Variants in DLG2 observed in about 807,000 individuals in gnomAD.
DLG2 encodes the protein discs large MAGUK scaffold protein 2.
DLG2 carries 45 observed loss-of-function variants against 132.5 expected under a neutral mutation model. The observed-to-expected ratio is 0.34, with a 90% CI of 0.27 to 0.44. The LOEUF (loss-of-function observed/expected upper bound fraction) is 0.44. Among genes scored for constraint, DLG2 ranks in the 20% least tolerant of loss-of-function variants. The pLI is 1.00. For missense variants in DLG2, 1,045 were observed against 1,196.9 expected (o/e 0.87, Z 1.87); for synonymous variants, 424 against 419.6 (o/e 1.01, Z -0.13).
rs929577801 is a variant in DLG2 at position 84,040,407 on chromosome 11, AG to A, written c.919+18907del. 1.5e-3 allele frequency among the ~76,000 whole-genome samples: 223 copies of A among 151,634 alleles called. 1 individual carries two copies. Among genetic ancestry groups the A allele is most frequent in the Admixed American group, 0.012 (185 of 15,216 alleles). On this transcript the variant is annotated intron_variant, in intron 11 of 27. Transcript: ENST00000376104. ...TGAATTGATTTTTGTATAATGTGTAAGGAAGGGATCCAGTTTCAGCTTTCTA... is the reference window on the plus strand; with the variant it reads ...TGAATTGATTTTTGTATAATGTGTAAGAAGGGATCCAGTTTCAGCTTTCTA...
At chr11:85,595,066 A>G (rs1399825411) in intron 3 of DLG2, among the ~76,000 whole-genome samples, 4 of 127,960 alleles carry the variant, frequency 3.1e-5, no homozygotes, top group African/African-American at 1.5e-4. Flanking sequence ...CTCTGTCTCA[A>G]AAAAAAAAAA....
At chr11:85,078,830 G>A (rs956738030) in intron 6 of DLG2, among the ~76,000 whole-genome samples, 8 of 152,076 alleles carry the variant, frequency 5.3e-5, no homozygotes, top group Non-Finnish European at 8.8e-5. Flanking sequence ...AGAGTGATTT[G>A]TCATAGTAGT....
intron 5 of DLG2, among the ~76,000 whole-genome samples, chr11:85,139,589 A>G (rs2076332101): frequency 6.6e-6 from 1 of 152,116 alleles, no homozygotes; most frequent in Admixed American, 6.6e-5. Flanking sequence ...AAGCAAATTA[A>G]CATATTTATC....
intron 6 of DLG2, among the ~76,000 whole-genome samples, chr11:85,050,755 T>G (rs2062811739): frequency 6.6e-6 from 1 of 152,164 alleles, no homozygotes; most frequent in African/African-American, 2.4e-5. Context: ...TCAAACTTGA[T>G]TACCACTCAA....
intron 3 of DLG2, among the ~76,000 whole-genome samples, chr11:85,594,310 G>A (rs576386763): frequency 1.4e-4 from 22 of 152,266 alleles, no homozygotes; most frequent in Middle Eastern, 3.4e-3. Context: ...TAAGATTTAT[G>A]GAAATGAAAT....
chr11:83,542,516 CG>C (rs1228184907), intron 19 of DLG2, among the ~76,000 whole-genome samples: 3 of 152,164 alleles, frequency 2.0e-5, no homozygotes, highest in Non-Finnish European at 2.9e-5. Flanking sequence ...ATAAACAACA[CG>C]ACAAATATTT....
chr11:85,335,793 CAG>C (rs1326305791), intron 3 of DLG2, among the ~76,000 whole-genome samples: 1 of 150,934 alleles, frequency 6.6e-6, no homozygotes, highest in African/African-American at 2.4e-5. Flanking sequence ...CAGGACCTAT[CAG>C]GGGGTGGGGG....
At chr11:85,028,048 A>G (rs552811161) in intron 6 of DLG2, among the ~76,000 whole-genome samples, 2 of 152,328 alleles carry the variant, frequency 1.3e-5, no homozygotes, top group South Asian at 2.1e-4. Flanking sequence ...AGCTTCATCA[A>G]GAGGCAGAAG....
intron 18 of DLG2, among the ~76,000 whole-genome samples, chr11:83,771,844 A>C (rs2094405494): frequency 6.6e-6 from 1 of 152,206 alleles, no homozygotes; most frequent in Admixed American, 6.5e-5. Context: ...CTATTGCATA[A>C]TGAAAACGGA....
chr11:83,844,570 A>G (rs1170777048), intron 16 of DLG2, among the ~76,000 whole-genome samples: 4 of 144,414 alleles, frequency 2.8e-5, no homozygotes, highest in Non-Finnish European at 4.5e-5. Context: ...AAAAAAAAAA[A>G]GGGCCTGGGG....
At chr11:83,527,828 T>G (rs1167429053) in intron 21 of DLG2, among the ~76,000 whole-genome samples, 1 of 152,168 alleles carries the variant, frequency 6.6e-6, no homozygotes, top group Non-Finnish European at 1.5e-5. Flanking sequence ...AAAAGAAGTT[T>G]GGCATAAATC....
intron 4 of DLG2, among the ~76,000 whole-genome samples, chr11:85,240,800 G>A (rs1465438824): frequency 6.6e-6 from 1 of 151,676 alleles, no homozygotes; most frequent in Non-Finnish European, 1.5e-5. Flanking sequence ...ACTATAATGT[G>A]TCTTATTACG....
intron 17 of DLG2, among the ~76,000 whole-genome samples, chr11:83,829,920 C>T (rs751112171): frequency 6.6e-5 from 10 of 151,994 alleles, no homozygotes; most frequent in East Asian, 3.9e-4. Context: ...CGACAGGCCC[C>T]GGTGTGTGAT....
In DLG2 at chr11:83,786,801, G is replaced by A; in HGVS notation, c.1723-9C>T. The A allele has an allele frequency of 6.2e-7, 1 of 1,612,620 alleles. No homozygotes were observed. Among genetic ancestry groups the A allele is most frequent in the Non-Finnish European group, 8.5e-7 (1 of 1,178,780 alleles). On this transcript the variant is annotated splice_polypyrimidine_tract_variant and intron_variant, in intron 17 of 27. Coordinates refer to ENST00000376104, the MANE Select transcript of DLG2 (RefSeq NM_001142699.3). ...AGGTCAATGCCATTCACCTGAAAGA[G>A]AGGAAGCCAGAGAATCTTGGTATTT...
intron 6 of DLG2, among the ~76,000 whole-genome samples, chr11:85,001,229 G>A (rs1339287038): frequency 6.6e-6 from 1 of 151,668 alleles, no homozygotes; most frequent in Non-Finnish European, 1.5e-5. Context: ...GAGTAACTGG[G>A]ACCACAGGTG....
chr11:83,560,171 G>T (rs1422638366), intron 19 of DLG2, among the ~76,000 whole-genome samples: 1 of 151,838 alleles, frequency 6.6e-6, no homozygotes, highest in African/African-American at 2.4e-5. Flanking sequence ...AGGCTGGAGA[G>T]CAGTGGCAGG....
intron 17 of DLG2, among the ~76,000 whole-genome samples, chr11:83,804,283 T>G (rs2045317859): frequency 6.6e-6 from 1 of 152,112 alleles, no homozygotes; most frequent in Admixed American, 6.6e-5. Flanking sequence ...AAAATCAACT[T>G]GTATTCACCA....
chr11:83,782,467 CCAGGTGTTTACAT>C (rs1486111702), intron 18 of DLG2, among the ~76,000 whole-genome samples: 1 of 152,048 alleles, frequency 6.6e-6, no homozygotes, highest in East Asian at 1.9e-4. Flanking sequence ...AATGGGCACA[CCAGGTGTTTACAT>C]ACAGTTTTGG....
chr11:83,957,060 A>T (rs979843737), intron 14 of DLG2, among the ~76,000 whole-genome samples: 5 of 152,248 alleles, frequency 3.3e-5, no homozygotes, highest in Non-Finnish European at 7.3e-5. Flanking sequence ...ACTTTAAAGC[A>T]AACAATATTC....
Sources: allele counts gnomAD v4.1 joint callset (sites outside exome capture counted in the v4.1 genomes callset), GRCh38; gene constraint gnomAD v4.1.1; transcripts MANE v1.5; gene names NCBI Gene and HGNC (gene_info 2026-07-23, HGNC 2026-07-21).